Variants in DEPTOR observed in about 807,000 individuals in gnomAD.
The protein encoded by DEPTOR is DEP domain containing MTOR interacting protein, also known as DEP domain-containing mTOR-interacting protein.
Under a neutral mutation model 41.6 loss-of-function variants are expected in DEPTOR, and 41 were observed. That is an observed-to-expected ratio of 0.98 (90% CI 0.77 to 1.28). DEPTOR has a LOEUF of 1.28. Ranked by LOEUF, DEPTOR falls within the 50% of genes most tolerant of loss-of-function variation. The probability of loss-of-function intolerance (pLI) is 0.00; values close to 1 mark genes in which losing one functional copy is unlikely to be tolerated. For missense variants in DEPTOR, 514 were observed against 527.9 expected, an observed-to-expected ratio of 0.97 and a Z score of 0.26; for synonymous variants, 195 against 192.3, an observed-to-expected ratio of 1.01 and a Z score of -0.12.
intron 4 of DEPTOR, among the ~76,000 whole-genome samples, chr8:119,966,014 C>T (rs1261639382): frequency 6.6e-6 from 1 of 152,156 alleles, no homozygotes; most frequent in Non-Finnish European, 1.5e-5. Flanking sequence ...AATTTAAAAT[C>T]TTTGGAAAAA....
chr8:119,909,985 A>G (rs1237542308), intron 1 of DEPTOR, among the ~76,000 whole-genome samples: 4 of 152,228 alleles, frequency 2.6e-5, no homozygotes, highest in African/African-American at 7.2e-5. Flanking sequence ...CACCTGACAT[A>G]AATTTCCACT....
At chr8:119,983,264 T>A (rs1828789732) in intron 4 of DEPTOR, among the ~76,000 whole-genome samples, 2 of 152,094 alleles carry the variant, frequency 1.3e-5, no homozygotes, top group Non-Finnish European at 2.9e-5. Flanking sequence ...TTTTATTTTT[T>A]TTTTGAGATG....
chr8:120,030,497 G>GTTTTTTTTTTTTTTTTTTTTTTTTTTTT lies in DEPTOR; in HGVS notation c.1102-19078_1102-19051dup, dbSNP rs1171655489. Among the ~76,000 whole-genome samples, 47 of 46,216 alleles carry GTTTTTTTTTTTTTTTTTTTTTTTTTTTT rather than the reference G, an allele frequency of 1.0e-3. 6 individuals carry two copies. The highest frequency in any genetic ancestry group is 1.2e-3 in the Non-Finnish European group (32 of 26,952). The allele number at this position is 46,216 out of a possible 152,430, so 30.3% of individuals were successfully genotyped here. A position where few individuals can be genotyped will look rare whatever the true frequency, so the allele number is the denominator to read the frequency against. ...AATGATGTATTGTGTAGGTTCATCA[G>GTTTTTTTTTTTTTTTTTTTTTTTTTTTT]TTTTTTTTTTTTTTTTTTTTTTTTT... is the stretch of plus-strand genomic sequence containing the variant. On this transcript the variant is annotated intron_variant, in intron 8 of 8. Transcript: ENST00000286234.
Position 119,965,278 on chromosome 8 carries a change from G to C in DEPTOR, c.472G>C (p.Gly158Arg). 1 of 1,614,148 alleles carries C rather than the reference G, an allele frequency of 6.2e-7. No homozygotes were observed. Among genetic ancestry groups the C allele is most frequent in the East Asian group, 2.2e-5 (1 of 44,884 alleles). ...ACTCCTGCAGCCCAGGGAGGAGGAA[G>C]GGGTCAAGTATGAGCGCACCTTCAT... ...NTLLQPREEE[G>R]VKYERTFMAS... The change falls in exon 4 of 9, where the codon GGG (glycine) becomes CGG (arginine). Residue 158 changes from glycine to arginine, a missense_variant. Transcript: ENST00000286234.
intron 1 of DEPTOR, among the ~76,000 whole-genome samples, chr8:119,900,873 G>A (rs1314794718): frequency 2.0e-5 from 3 of 152,050 alleles, no homozygotes; most frequent in East Asian, 1.9e-4. Flanking sequence ...TTATATAAAT[G>A]GCTGAATGTT....
intron 1 of DEPTOR, among the ~76,000 whole-genome samples, chr8:119,919,792 C>T (rs972937049): frequency 2.6e-5 from 4 of 152,196 alleles, no homozygotes; most frequent in East Asian, 1.9e-4. Flanking sequence ...AGATTTATGA[C>T]GCTGTTTTAA....
intron 3 of DEPTOR, among the ~76,000 whole-genome samples, chr8:119,933,737 G>C (rs1048267835): frequency 3.9e-5 from 6 of 152,048 alleles, no homozygotes; most frequent in South Asian, 2.1e-4. Context: ...CAGCTCTGAG[G>C]GGGTGGGCGT....
intron 8 of DEPTOR, among the ~76,000 whole-genome samples, chr8:120,012,684 G>A (rs58564644): frequency 0.37 from 55,565 of 151,674 alleles, 10,900 homozygotes; most frequent in East Asian, 0.58. Flanking sequence ...CTACAGGCAC[G>A]CACCACCATG....
At chr8:119,895,129 T>C (rs1172908034) in intron 1 of DEPTOR, among the ~76,000 whole-genome samples, 1 of 152,170 alleles carries the variant, frequency 6.6e-6, no homozygotes, top group Non-Finnish European at 1.5e-5. Flanking sequence ...TCTCCCCCTC[T>C]CCTTCAGACT....
chr8:120,009,109 C>T lies in DEPTOR; in HGVS notation c.1077C>T (p.Gly359=), dbSNP rs1430213693. The T allele has an allele frequency of 9.3e-6, 15 of 1,613,846 alleles. No homozygotes were observed. Among genetic ancestry groups the T allele is most frequent in the Non-Finnish European group, 1.3e-5 (15 of 1,179,974 alleles). The change falls in exon 8 of 9, where the codon GGC becomes GGT. Residue 359 remains glycine (G), a synonymous_variant. Coordinates refer to ENST00000286234, the MANE Select transcript of DEPTOR (RefSeq NM_022783.4). ...ACATCCAGGCTGTAGACCCCAGTGG[C>T]CCTGCAGCCGCAGCAGGAATGAAGG... ...PCHIQAVDPS[G]PAAAAGMKVC... is the part of the protein sequence containing the mutation.
At chr8:120,007,496 A>C (rs1342146857) in intron 7 of DEPTOR, among the ~76,000 whole-genome samples, 1 of 152,128 alleles carries the variant, frequency 6.6e-6, no homozygotes, top group East Asian at 1.9e-4. Context: ...CCTAATGCCT[A>C]CGTTGGATTT....
At chr8:119,976,798 C>A (rs1255587059) in intron 4 of DEPTOR, among the ~76,000 whole-genome samples, 3 of 152,030 alleles carry the variant, frequency 2.0e-5, no homozygotes, top group African/African-American at 4.8e-5. Context: ...TGGGTGGGGA[C>A]CCTTTGACTG....
intron 8 of DEPTOR, among the ~76,000 whole-genome samples, chr8:120,042,197 G>T (rs1371199350): frequency 1.3e-5 from 2 of 152,080 alleles, no homozygotes; most frequent in African/African-American, 4.8e-5. Context: ...AGTTCCTAAG[G>T]TGGCCGCCCG....
intron 3 of DEPTOR, among the ~76,000 whole-genome samples, chr8:119,949,283 T>G (rs1828322495): frequency 1.3e-5 from 2 of 152,248 alleles, no homozygotes; most frequent in South Asian, 4.1e-4. Context: ...TTGATGGACA[T>G]GTGGATTGTA....
intron 8 of DEPTOR, among the ~76,000 whole-genome samples, chr8:120,038,592 CAA>C (rs34679088): frequency 7.2e-4 from 78 of 108,472 alleles, no homozygotes; most frequent in East Asian, 1.1e-3. Context: ...GACCCTATCT[CAA>C]AAAAAAAAAA....
At chr8:119,981,993 G>A (rs1447908113) in intron 4 of DEPTOR, among the ~76,000 whole-genome samples, 8 of 117,328 alleles carry the variant, frequency 6.8e-5, no homozygotes, top group African/African-American at 1.3e-4. Context: ...TAGCCCAGTC[G>A]ACAGTGTGAG....
intron 4 of DEPTOR, among the ~76,000 whole-genome samples, chr8:119,994,081 A>G (rs112514191): frequency 0.031 from 4,779 of 151,864 alleles, 165 homozygotes; most frequent in African/African-American, 0.086. Flanking sequence ...AGGTTGCAGT[A>G]ATCTGAGATC....
intron 3 of DEPTOR, 81 bp from the exon 4 acceptor site, chr8:119,965,151 C>T (rs2129967559): frequency 6.9e-7 from 1 of 1,451,604 alleles, no homozygotes. Flanking sequence ...TGCTGTAGTA[C>T]TTCATGGAAA....
At chr8:119,991,100 C>CTT (rs1390082122) in intron 4 of DEPTOR, among the ~76,000 whole-genome samples, 17 of 78,420 alleles carry the variant, frequency 2.2e-4, no homozygotes, top group African/African-American at 7.7e-4. Context: ...TTCTTTCTTT[C>CTT]TTTCTTTCTT....
Sources: allele counts gnomAD v4.1 joint callset (sites outside exome capture counted in the v4.1 genomes callset), GRCh38; gene constraint gnomAD v4.1.1; transcripts MANE v1.5; gene names NCBI Gene and HGNC (gene_info 2026-07-23, HGNC 2026-07-21).